LRBA: variants seen among roughly 807,000 people sequenced by gnomAD.
LRBA encodes the protein lipopolysaccharide-responsive and beige-like anchor protein.
In LRBA, 176 loss-of-function variants were observed where a neutral mutation model predicts 330.0. The observed-to-expected ratio is 0.53, with a 90% CI of 0.47 to 0.60. LRBA has a LOEUF of 0.60. Ranked by LOEUF, LRBA falls within the 20% of genes least tolerant of loss-of-function variation. The probability of loss-of-function intolerance (pLI) is 0.00; values close to 1 mark genes in which losing one functional copy is unlikely to be tolerated. For synonymous variants in LRBA, 1,230 were observed against 1,193.0 expected (o/e 1.03, Z -0.64); for missense variants, 3,259 against 3,444.8 (o/e 0.95, Z 1.35).
At chr4:150,991,560 G>A (rs996215341) in intron 2 of LRBA, among the ~76,000 whole-genome samples, 3 of 152,196 alleles carry the variant, frequency 2.0e-5, no homozygotes, top group Non-Finnish European at 4.4e-5. Flanking sequence ...AGCTAGTCAC[G>A]AAAGGCTACT....
Position 150,798,123 on chromosome 4 carries a change from C to T in LRBA, c.5538G>A (p.Ser1846=), listed in dbSNP as rs1177930043. Residue 1846 remains serine, a synonymous_variant, in exon 34 of 57, where the codon TCG becomes TCA. Coordinates refer to ENST00000651943, the MANE Select transcript of LRBA (RefSeq NM_001364905.1). ...TAACCAATTCCACAACTGAACTACT[C>T]GACTTCATGCAAACCAGACCTATTT... ...IEGTSLVCMK[S]SSSVVELVML... 3 of 1,606,846 alleles carry T rather than the reference C, an allele frequency of 1.9e-6. No individual in the cohort carries two copies. The highest frequency in any genetic ancestry group is 1.1e-5 in the South Asian group (1 of 90,862).
At chr4:150,504,280 C>T (rs1324393413) in intron 40 of LRBA, among the ~76,000 whole-genome samples, 3 of 152,212 alleles carry the variant, frequency 2.0e-5, no homozygotes, top group African/African-American at 4.8e-5. Context: ...AACTCCAAGA[C>T]CCATAATTTT....
chr4:150,826,687 C>T (rs1022732071), intron 30 of LRBA, among the ~76,000 whole-genome samples: 1 of 152,082 alleles, frequency 6.6e-6, no homozygotes, highest in Non-Finnish European at 1.5e-5. Flanking sequence ...GAGTTCAACA[C>T]TGAGGGTGTT....
chr4:150,422,896 G>T, intron 46 of LRBA: 1 of 878,734 alleles, frequency 1.1e-6, no homozygotes, highest in South Asian at 1.3e-5. Context: ...ACTCAGGACT[G>T]AACCAAGAGA....
In LRBA at chr4:150,507,382, A is replaced by G. The variant is rs1277101854; in HGVS notation, c.6331-16347T>C. Among the ~76,000 whole-genome samples, 4 of 152,260 alleles carry G rather than the reference A, an allele frequency of 2.6e-5. No individual in the cohort carries two copies. In the East Asian group the frequency reaches 5.8e-4, roughly 22 times the overall value. On this transcript the variant is annotated intron_variant, in intron 40 of 56. Coordinates refer to ENST00000651943, the MANE Select transcript of LRBA (RefSeq NM_001364905.1). ...ATGGTACTGGTATCAAAACAGAGATATAGACCAATGGAACAGAACAGAGCC... is the reference window on the plus strand; with the variant it reads ...ATGGTACTGGTATCAAAACAGAGATGTAGACCAATGGAACAGAACAGAGCC...
At chr4:150,817,046 A>T in intron 31 of LRBA, 78 bp downstream of exon 31, 1 of 1,321,850 alleles carries the variant, frequency 7.6e-7, no homozygotes, top group Non-Finnish European at 1.1e-6. Flanking sequence ...CCCAAATTTT[A>T]AGTTAATCAA....
At chr4:150,527,061 C>A (rs1763557558) in intron 40 of LRBA, among the ~76,000 whole-genome samples, 1 of 149,964 alleles carries the variant, frequency 6.7e-6, no homozygotes, top group Admixed American at 6.7e-5. Context: ...TAGAATTTAC[C>A]ATATTCTGTG....
chr4:150,793,516 G>C (rs1049759729), intron 34 of LRBA, among the ~76,000 whole-genome samples: 2 of 152,130 alleles, frequency 1.3e-5, no homozygotes, highest in African/African-American at 4.8e-5. Context: ...GGTGACTTAT[G>C]ATCCATGTTA....
chr4:150,394,254 A>T (rs1744410273), intron 47 of LRBA, among the ~76,000 whole-genome samples: 1 of 152,196 alleles, frequency 6.6e-6, no homozygotes, highest in South Asian at 2.1e-4. Context: ...GTTAGCTAAT[A>T]CTGAAGCTCT....
intron 34 of LRBA, among the ~76,000 whole-genome samples, chr4:150,773,196 A>G (rs538480054): frequency 7.9e-5 from 12 of 152,324 alleles, no homozygotes; most frequent in Admixed American, 3.9e-4. Flanking sequence ...CATCAATGTA[A>G]TGGACGACTG....
At chr4:150,968,129 C>T (rs1164681342) in intron 2 of LRBA, among the ~76,000 whole-genome samples, 2 of 151,778 alleles carry the variant, frequency 1.3e-5, no homozygotes, top group Non-Finnish European at 2.9e-5. Context: ...CTCAGCCGCC[C>T]GAGTAGCTGG....
At chr4:150,812,529 C>G (rs141677182) in intron 31 of LRBA, among the ~76,000 whole-genome samples, 1 of 152,272 alleles carries the variant, frequency 6.6e-6, no homozygotes, top group East Asian at 1.9e-4. Flanking sequence ...TCTCTCTTTT[C>G]TGAACCAGTT....
intron 2 of LRBA, among the ~76,000 whole-genome samples, chr4:150,997,472 GTTCTCTA>G (rs959625703): frequency 1.3e-5 from 2 of 152,046 alleles, no homozygotes; most frequent in African/African-American, 4.8e-5. Context: ...AAATAGTCAA[GTTCTCTA>G]TTGATACAAA....
At chr4:150,308,362 G>T (rs759775862) in intron 52 of LRBA, among the ~76,000 whole-genome samples, 2 of 152,168 alleles carry the variant, frequency 1.3e-5, no homozygotes, top group Non-Finnish European at 2.9e-5. Flanking sequence ...GTTTGTGGTG[G>T]TGCTGGTTTA....
chr4:150,471,056 G>A (rs1756064579), intron 43 of LRBA, among the ~76,000 whole-genome samples: 1 of 151,948 alleles, frequency 6.6e-6, no homozygotes, highest in Non-Finnish European at 1.5e-5. Context: ...CAAGAAAATC[G>A]TTCTTCGCAT....
At position 150,832,407 on chromosome 4, in the gene LRBA, C is replaced by A. The variant is rs865858715; in HGVS notation, c.4570-431G>T. Among the ~76,000 whole-genome samples, 7 of 152,222 alleles carry A rather than the reference C, an allele frequency of 4.6e-5. No individual in the cohort carries two copies. The South Asian group carries it at 1.5e-3, about 32-fold the overall frequency. On this transcript the variant is annotated intron_variant, in intron 28 of 56. Transcript: ENST00000651943. ...GGTCAGGAATTTGAGACCAGCCTGGCCAACATAGTGAAACCCCATCTCTAC... is the reference window on the plus strand; with the variant it reads ...GGTCAGGAATTTGAGACCAGCCTGGACAACATAGTGAAACCCCATCTCTAC...
At chr4:150,816,926 T>G (rs955858437) in intron 31 of LRBA, among the ~76,000 whole-genome samples, 198 bp downstream of exon 31, 3 of 151,972 alleles carry the variant, frequency 2.0e-5, no homozygotes, top group African/African-American at 7.2e-5. Context: ...TAGGTTTGAG[T>G]GGAGAAAATA....
intron 34 of LRBA, among the ~76,000 whole-genome samples, chr4:150,772,422 C>T (rs112841496): frequency 4.0e-4 from 61 of 152,324 alleles, no homozygotes; most frequent in African/African-American, 1.4e-3. Context: ...CTTGTGTTTT[C>T]AAGCATTGCT....
At chr4:150,661,656 G>A (rs1561488063) in intron 37 of LRBA, among the ~76,000 whole-genome samples, 2 of 151,832 alleles carry the variant, frequency 1.3e-5, no homozygotes, top group Admixed American at 6.6e-5. Flanking sequence ...TATCGCCCAG[G>A]CTGGAGTGCA....
Sources: allele counts gnomAD v4.1 joint callset (sites outside exome capture counted in the v4.1 genomes callset), GRCh38; gene constraint gnomAD v4.1.1; transcripts MANE v1.5; gene names NCBI Gene and HGNC (gene_info 2026-07-23, HGNC 2026-07-21).